U2SURP: variants seen among roughly 807,000 people sequenced by gnomAD.
U2SURP encodes the protein U2 snRNP-associated SURP motif-containing protein.
In U2SURP, 9 loss-of-function variants were observed where a neutral mutation model predicts 144.9. The observed-to-expected ratio is 0.06, with a 90% CI of 0.04 to 0.11. The LOEUF is 0.11. U2SURP is among the 10% of genes least tolerant of loss of function. The pLI, the probability that U2SURP is intolerant of heterozygous loss-of-function variation, is 1.00. For missense variants in U2SURP, 724 were observed against 1,226.7 expected (o/e 0.59, Z 6.12); for synonymous variants, 408 against 396.8 (o/e 1.03, Z -0.33).
chr3:143,003,895 T>C (rs1935678822), intron 1 of U2SURP, among the ~76,000 whole-genome samples: 1 of 152,138 alleles, frequency 6.6e-6, no homozygotes, highest in South Asian at 2.1e-4. Context: ...TTTCACCATG[T>C]TGGCCAGGAT....
At chr3:143,026,226 C>T (rs189473183) in intron 13 of U2SURP, 8 of 152,218 alleles carry the variant, frequency 5.3e-5, no homozygotes, top group Admixed American at 4.6e-4. Context: ...GACCCAGCTT[C>T]AGATAAAGAC....
chr3:143,004,732 T>A (rs546991196), intron 1 of U2SURP, among the ~76,000 whole-genome samples: 2 of 152,254 alleles, frequency 1.3e-5, no homozygotes, highest in African/African-American at 4.8e-5. Context: ...CCTGTGCACT[T>A]TAATTTTCTG....
intron 13 of U2SURP, chr3:143,026,934 C>A (rs1578137017): frequency 4.9e-6 from 2 of 404,322 alleles, no homozygotes; most frequent in East Asian, 3.8e-5. Context: ...CCCTCCCTCA[C>A]CTTTCCATCC....
rs142270080 is a variant in U2SURP, at chr3:143,058,205, G to A, written c.*1755G>A. ...ACCTTTCTTTGCAAAAATAACGGTC[G>A]TGTCGAGTTGGTGGTGATTTTGGCA... is the stretch of plus-strand genomic sequence containing the variant. On this transcript the variant is annotated 3_prime_UTR_variant, in exon 28 of 28. Coordinates refer to ENST00000473835, the MANE Select transcript of U2SURP (RefSeq NM_001080415.2). 2.3e-3 allele frequency: 348 copies of A among 152,274 alleles called. No individual in the cohort carries two copies. Among genetic ancestry groups the A allele is most frequent in the African/African-American group, 7.6e-3 (317 of 41,532 alleles). 9.4% of individuals were successfully genotyped at this position (152,274 alleles called of 1,614,324 possible). A position where few individuals can be genotyped will look rare whatever the true frequency, so the allele number is the denominator to read the frequency against.
At chr3:143,004,739 T>C (rs900843683) in intron 1 of U2SURP, among the ~76,000 whole-genome samples, 7 of 152,150 alleles carry the variant, frequency 4.6e-5, no homozygotes, top group Non-Finnish European at 8.8e-5. Flanking sequence ...ACTTTAATTT[T>C]CTGTGTAATT....
chr3:143,045,505 TTAG>T (rs1267378320), intron 24 of U2SURP, among the ~76,000 whole-genome samples: 2 of 152,224 alleles, frequency 1.3e-5, no homozygotes, highest in East Asian at 3.8e-4. Context: ...CCCCAACTGT[TTAG>T]TATGTTCTGT....
At chr3:143,017,062 T>C (rs1325211546) in intron 6 of U2SURP, 87 bp downstream of exon 6, 4 of 1,388,672 alleles carry the variant, frequency 2.9e-6, no homozygotes, top group East Asian at 5.4e-5. Context: ...TTTGGCTTTT[T>C]TTCGTTTTTG....
chr3:143,010,731 CTCTT>C, intron 1 of U2SURP, 80 bp from the exon 2 acceptor site: 1 of 1,064,100 alleles, frequency 9.4e-7, no homozygotes, highest in Admixed American at 2.7e-5. Flanking sequence ...AGTTAGGAAA[CTCTT>C]AAGTTTGTAT....
chr3:143,056,546 G>C lies in U2SURP; in HGVS notation c.*96G>C. ...AAAAAACAAAAAATCAAATGAAAGA[G>C]CATTCCTGGGGTTTTTTGTTTGTTT... is the stretch of plus-strand genomic sequence containing the variant. On this transcript the variant is annotated 3_prime_UTR_variant, in exon 28 of 28. Transcript: ENST00000473835. The C allele has an allele frequency of 6.8e-7, 1 of 1,463,954 alleles. No homozygotes were observed. Among genetic ancestry groups the C allele is most frequent in the Non-Finnish European group, 9.2e-7 (1 of 1,091,596 alleles). 90.7% of individuals were successfully genotyped at this position (1,463,954 alleles called of 1,614,324 possible).
chr3:143,023,885 A>G lies in U2SURP; in HGVS notation c.1231-90A>G. The G allele has an allele frequency of 3.3e-6, 4 of 1,225,972 alleles. No individual in the cohort carries two copies. The South Asian group carries it at 3.7e-5, about 11-fold the overall frequency. 75.9% of individuals were successfully genotyped at this position (1,225,972 alleles called of 1,614,324 possible). ...CAAAACTTGTGATTAGATATGTAGT[A>G]TTTTCAATGCATATGTATATTTTTG... On this transcript the variant is annotated intron_variant, in intron 12 of 27. Coordinates refer to ENST00000473835, the MANE Select transcript of U2SURP (RefSeq NM_001080415.2).
rs1403961362 is a variant in U2SURP, at chr3:143,055,157, A to G, written c.2951+38A>G. 13 of 1,480,900 alleles carry G rather than the reference A, an allele frequency of 8.8e-6. No individual in the cohort carries two copies. In the Admixed American group the frequency reaches 1.9e-4, roughly 21 times the overall value. 91.7% of individuals were successfully genotyped at this position (1,480,900 alleles called of 1,614,324 possible). On this transcript the variant is annotated intron_variant, in intron 27 of 27. Coordinates refer to ENST00000473835, the MANE Select transcript of U2SURP (RefSeq NM_001080415.2). ...CATTTTTGCTAATATTTCAGATACC[A>G]GTTTCCTTGTCATTTCATCAGCTTT...
chr3:143,053,603 T>TA, intron 25 of U2SURP, 73 bp from the exon 26 acceptor site: 1 of 976,230 alleles, frequency 1.0e-6, no homozygotes, highest in East Asian at 2.7e-5. Flanking sequence ...TAAGAGAAGA[T>TA]ATTGTTCTAT....
At chr3:143,049,112 AT>A (rs1284652230) in intron 24 of U2SURP, among the ~76,000 whole-genome samples, 3 of 147,636 alleles carry the variant, frequency 2.0e-5, no homozygotes, top group Non-Finnish European at 4.5e-5. Context: ...AAAAAAAAAG[AT>A]TCAAAAATTA....
chr3:143,020,777 A>G, intron 8 of U2SURP, 84 bp downstream of exon 8: 1 of 1,006,542 alleles, frequency 9.9e-7, no homozygotes, highest in Non-Finnish European at 1.5e-6. Context: ...CATTCCAAGG[A>G]TCACCAGTGG....
chr3:143,001,604 C>T lies in U2SURP; in HGVS notation c.-25C>T. On this transcript the variant is annotated 5_prime_UTR_variant, in exon 1 of 28. Coordinates refer to ENST00000473835, the MANE Select transcript of U2SURP (RefSeq NM_001080415.2). ...CTCGACTCGCCCGTGCTGCTGCCGC[C>T]GCCGAAGGAGGGGCAAAGCTCAAGA... The T allele has an allele frequency of 6.2e-7, 1 of 1,613,648 alleles. No individual in the cohort carries two copies.
At chr3:143,034,847 T>G in intron 18 of U2SURP, 41 bp from the exon 19 acceptor site, 1 of 1,343,720 alleles carries the variant, frequency 7.4e-7, no homozygotes. Flanking sequence ...GAAAGGAATT[T>G]TAAACATTTT....
rs1021505017 is a variant in U2SURP at position 143,033,342 on chromosome 3, T to C, written c.1845T>C (p.Tyr615=). 3.3e-6 allele frequency: 5 copies of C among 1,492,694 alleles called. No individual in the cohort carries two copies. Among genetic ancestry groups the C allele is most frequent in the Non-Finnish European group, 4.6e-6 (5 of 1,095,744 alleles). The allele number at this position is 1,492,694 out of a possible 1,614,324, so 92.5% of individuals were successfully genotyped here. The change falls in exon 18 of 28, where the codon TAT becomes TAC. Residue 615 remains tyrosine, a synonymous_variant. Coordinates refer to ENST00000473835, the MANE Select transcript of U2SURP (RefSeq NM_001080415.2). ...SSAKVANASY[Y]RKFFETKLCQ... ...CCAAAGTTGCTAATGCTTCATATTA[T>C]AGAAAATTGTAAGTATAATGATATA...
intron 24 of U2SURP, among the ~76,000 whole-genome samples, chr3:143,047,065 T>C (rs1289138535): frequency 9.7e-6 from 1 of 103,000 alleles, no homozygotes; most frequent in Non-Finnish European, 1.9e-5. Flanking sequence ...CCCACCTCCC[T>C]CCCTGACGGG....
chr3:143,014,072 A>G (rs1281332110), intron 3 of U2SURP, among the ~76,000 whole-genome samples: 1 of 150,306 alleles, frequency 6.7e-6, no homozygotes, highest in Non-Finnish European at 1.5e-5. Context: ...TTTTTTTAAC[A>G]TGACTTTTGC....
Sources: allele counts gnomAD v4.1 joint callset (sites outside exome capture counted in the v4.1 genomes callset), GRCh38; gene constraint gnomAD v4.1.1; transcripts MANE v1.5; gene names NCBI Gene and HGNC (gene_info 2026-07-23, HGNC 2026-07-21).